Variants in ZNF692 observed in about 807,000 individuals in gnomAD.
The protein encoded by ZNF692 is zinc finger protein 692.
A neutral mutation model predicts 49.0 loss-of-function variants in ZNF692; 41 were observed. The observed-to-expected ratio is 0.84, with a 90% CI of 0.65 to 1.08. The LOEUF is 1.08. Ranked by LOEUF, ZNF692 falls within the 50% of genes least tolerant of loss-of-function variation. ZNF692 has a pLI of 0.00. For synonymous variants in ZNF692, 288 were observed against 251.5 expected (o/e 1.15, Z -1.37); for missense variants, 662 against 662.2 (o/e 1.00, Z 0.00).
chr1:248,850,731 T>G lies in ZNF692; in HGVS notation c.1204A>C (p.Ser402Arg). 1 of 1,614,148 alleles carries G rather than the reference T, an allele frequency of 6.2e-7. No homozygotes were observed. The highest frequency in any genetic ancestry group is 8.5e-7 in the Non-Finnish European group (1 of 1,180,002). ...EFCARSFRTS[S>R]NLVIHRRIHT... ...ATACGTCTGTGGATGACAAGGTTGC[T>G]GCTAGTGCGGAAAGACCGGGCGCAG... Residue 402 changes from serine (S) to arginine (R), a missense_variant, in exon 11 of 12, where the codon AGC (serine) becomes CGC (arginine). Physicochemically the swap from Ser to Arg is moderately radical, Grantham distance 110. Transcript: ENST00000306601.
rs755058464 is a variant in ZNF692 at position 248,857,294 on chromosome 1, G to T, written c.415C>A (p.Leu139Ile). The T allele has an allele frequency of 8.7e-6, 14 of 1,614,042 alleles. No individual in the cohort carries two copies. In the Admixed American group the frequency reaches 1.3e-4, roughly 15 times the overall value. ...TPSEAPKPAS[L>I]PHTTRRSWCS... ...CAACTTCTCCGAGTAGTATGTGGAA[G>T]GGAGGCTGGCTTGGGTGCCTCTGAA... The change falls in exon 4 of 12, where the codon CTT (leucine) becomes ATT (isoleucine). Residue 139 changes from leucine to isoleucine, a missense_variant. Coordinates refer to ENST00000306601, the MANE Select transcript of ZNF692 (RefSeq NM_017865.4).
At chr1:248,856,633 G>C in intron 4 of ZNF692, 71 bp from the exon 5 acceptor site, 1 of 1,583,778 alleles carries the variant, frequency 6.3e-7, no homozygotes, top group Non-Finnish European at 8.7e-7. Flanking sequence ...AAGTTCTAAG[G>C]TCTGAAGTGA....
chr1:248,855,389 C>T lies in ZNF692; in HGVS notation c.1029G>A (p.Gln343=). Residue 343 remains glutamine (Q), a synonymous_variant, in exon 9 of 12, where the codon CAG becomes CAA. Transcript: ENST00000306601. ...PGCGRIFSNR[Q]YLNHHKKYQH... is the part of the protein sequence containing the mutation. ...AACCTGTGCCCCTCACATTCAAATA[C>T]TGCCGGTTGGAGAAGATCCTTCCAC... 4 of 1,614,178 alleles carry T rather than the reference C, an allele frequency of 2.5e-6. No homozygotes were observed. The highest frequency in any genetic ancestry group is 3.4e-6 in the Non-Finnish European group (4 of 1,180,040).
rs778362635 is a variant in ZNF692, at chr1:248,855,843, C to G, written c.763G>C (p.Val255Leu). Residue 255 changes from valine (V) to leucine (L), a missense_variant, in exon 7 of 12, where the codon GTG (valine) becomes CTG (leucine). Coordinates refer to ENST00000306601, the MANE Select transcript of ZNF692 (RefSeq NM_017865.4). Reference sequence around the variant, plus strand: ...AATGAGGATGCTGACAAGGCCGGCACAGCAAGAGGACTGGAGAGTGCTGCA... The same window carrying G: ...AATGAGGATGCTGACAAGGCCGGCAGAGCAAGAGGACTGGAGAGTGCTGCA... ...APAALSSPLA[V>L]PALSASSLSS... 1 of 1,614,212 alleles carries G rather than the reference C, an allele frequency of 6.2e-7. No homozygotes were observed. Among genetic ancestry groups the G allele is most frequent in the South Asian group, 1.1e-5 (1 of 91,086 alleles).
chr1:248,857,973 G>A, intron 2 of ZNF692, 114 bp from the exon 3 acceptor site: 5 of 1,556,918 alleles, frequency 3.2e-6, no homozygotes, highest in Non-Finnish European at 4.3e-6. Flanking sequence ...GAGACCATGA[G>A]GAGGGGAGCA....
chr1:248,850,361 C>A lies in ZNF692; in HGVS notation c.1409G>T (p.Ser470Ile). The A allele has an allele frequency of 6.2e-7, 1 of 1,614,108 alleles. No homozygotes were observed. The highest frequency in any genetic ancestry group is 8.5e-7 in the Non-Finnish European group (1 of 1,180,018). ...AGGGGCTAGAAGCAGGGCTGGGTGA[C>A]TTTTGCTACGGTGGGCTGCAACACT... ...PDSVAAHRSK[S>I]HPALLLAPQE... The change falls in exon 12 of 12, where the codon AGT (serine) becomes ATT (isoleucine). Residue 470 changes from serine to isoleucine, a missense_variant. Ser to Ile is a moderately radical substitution (Grantham distance 142). Coordinates refer to ENST00000306601, the MANE Select transcript of ZNF692 (RefSeq NM_017865.4).
chr1:248,852,256 C>G (rs184263347), intron 10 of ZNF692, among the ~76,000 whole-genome samples: 136 of 152,328 alleles, frequency 8.9e-4, no homozygotes, highest in Non-Finnish European at 8.7e-4. Flanking sequence ...TCCAACACCC[C>G]CAGCCTACTA....
rs759517802 is a variant in ZNF692 at position 248,855,821 on chromosome 1, G to A, written c.785C>T (p.Ser262Leu). The A allele has an allele frequency of 6.2e-7, 1 of 1,614,236 alleles. No individual in the cohort carries two copies. The highest frequency in any genetic ancestry group is 1.1e-5 in the South Asian group (1 of 91,082). Reference sequence around the variant, plus strand: ...AGGTGGAGGAGCTCTGGAACTCAATGAGGATGCTGACAAGGCCGGCACAGC... The same window carrying A: ...AGGTGGAGGAGCTCTGGAACTCAATAAGGATGCTGACAAGGCCGGCACAGC... Reference protein sequence around the residue: ...PLAVPALSASSLSSRAPPPAE... With the variant: ...PLAVPALSASLLSSRAPPPAE... The change falls in exon 7 of 12, where the codon TCA becomes TTA. Residue 262 changes from serine to leucine, a missense_variant. Physicochemically the swap from Ser to Leu is moderately radical, Grantham distance 145. Transcript: ENST00000306601.
chr1:248,858,546 A>T lies in ZNF692; in HGVS notation c.-12-225T>A, dbSNP rs772917710. 33 of 1,551,628 alleles carry T rather than the reference A, an allele frequency of 2.1e-5. No homozygotes were observed. Among genetic ancestry groups the T allele is most frequent in the African/African-American group, 4.1e-5 (3 of 73,056 alleles). On this transcript the variant is annotated intron_variant, in intron 1 of 11. Coordinates refer to ENST00000306601, the MANE Select transcript of ZNF692 (RefSeq NM_017865.4). The surrounding 1 kb of genome is among the most constrained non-coding windows in gnomAD (Gnocchi z 4.3). ...GTCGTCGGGTGGGAGGCAGGCAGAC[A>T]GAAGCAGTCAGAACAAAGGCCTGCG...
intron 10 of ZNF692, chr1:248,851,051 C>A (rs908825997): frequency 7.5e-5 from 46 of 609,366 alleles, no homozygotes; most frequent in Non-Finnish European, 1.5e-5. Flanking sequence ...CAATGAACTC[C>A]TGATGGAAGT....
At chr1:248,852,224 C>T (rs1046691602) in intron 10 of ZNF692, among the ~76,000 whole-genome samples, 15 of 152,302 alleles carry the variant, frequency 9.8e-5, no homozygotes, top group Middle Eastern at 3.4e-3. Context: ...ACATTTCACA[C>T]CACCTCCTTT....
rs1347033970 is a variant in ZNF692, at chr1:248,858,062, G to C, written c.179+69C>G. The C allele has an allele frequency of 3.2e-6, 5 of 1,551,040 alleles. No individual in the cohort carries two copies. The highest frequency in any genetic ancestry group is 4.3e-6 in the Non-Finnish European group (5 of 1,153,326). ...GAGGGTGGAAAAGAGCAGCAGGACA[G>C]GCCCTGGAGAGGAGGCTAGGGGCTG... On this transcript the variant is annotated intron_variant, in intron 2 of 11. Coordinates refer to ENST00000306601, the MANE Select transcript of ZNF692 (RefSeq NM_017865.4). The surrounding 1 kb of genome is among the most constrained non-coding windows in gnomAD (Gnocchi z 4.3).
intron 3 of ZNF692, 128 bp downstream of exon 3, chr1:248,857,700 C>A: frequency 6.7e-7 from 1 of 1,496,652 alleles, no homozygotes; most frequent in Non-Finnish European, 8.9e-7. Flanking sequence ...ATCAAACTAC[C>A]CTGTGCTCCC....
chr1:248,853,903 G>A, intron 10 of ZNF692, 34 bp downstream of exon 10: 1 of 1,552,812 alleles, frequency 6.4e-7, no homozygotes, highest in South Asian at 1.1e-5. Flanking sequence ...AAGGTAAAAG[G>A]TCCCACAGAG....
rs554076120 is a variant in ZNF692, at chr1:248,859,064, T to A, written c.-159A>T. On this transcript the variant is annotated 5_prime_UTR_variant, in exon 1 of 12. Transcript: ENST00000306601. The stretch of plus-strand genomic sequence containing the variant: ...TAAGAAGAAACGGTGCCTCTCGGCG[T>A]CGGCTGCTGTAGCCCGGAACTGAGG... 1 of 153,538 alleles carries A rather than the reference T, an allele frequency of 6.5e-6. No individual in the cohort carries two copies. Among genetic ancestry groups the A allele is most frequent in the Non-Finnish European group, 1.5e-5 (1 of 68,576 alleles). The allele number at this position is 153,538 out of a possible 1,614,324, so 9.5% of individuals were successfully genotyped here.
At position 248,856,666 on chromosome 1, in the gene ZNF692, T is replaced by C. The variant is rs180723128; in HGVS notation, c.476-104A>G. ...TGATGGGAGACTCCTCTTTTTTTTT[T>C]AAATAGAGACGGGGTCTCACTATGT... On this transcript the variant is annotated intron_variant, in intron 4 of 11. Coordinates refer to ENST00000306601, the MANE Select transcript of ZNF692 (RefSeq NM_017865.4). 229 of 1,388,838 alleles carry C rather than the reference T, an allele frequency of 1.6e-4. No individual in the cohort carries two copies. The African/African-American group carries it at 3.1e-3, about 19-fold the overall frequency. 86.0% of individuals were successfully genotyped at this position (1,388,838 alleles called of 1,614,324 possible). A position where few individuals can be genotyped will look rare whatever the true frequency, so the allele number is the denominator to read the frequency against.
chr1:248,855,081 A>G (rs1026973078), intron 9 of ZNF692, among the ~76,000 whole-genome samples: 2 of 152,186 alleles, frequency 1.3e-5, no homozygotes, highest in Admixed American at 6.5e-5. Flanking sequence ...TCAAGCCAGG[A>G]TATGTGGCAG....
At chr1:248,850,914 T>C in intron 10 of ZNF692, 133 bp from the exon 11 acceptor site, 2 of 821,878 alleles carry the variant, frequency 2.4e-6, no homozygotes, top group South Asian at 2.9e-5. Context: ...TTAGTTGTTA[T>C]CCAAATCATG....
chr1:248,856,251 C>G (rs202135201), intron 6 of ZNF692, 37 bp downstream of exon 6: 3 of 1,551,426 alleles, frequency 1.9e-6, no homozygotes, highest in East Asian at 2.2e-5. Context: ...CTGCCTCCCT[C>G]TCTTGCTCTG....
Sources: gnomAD v4.1 joint callset for allele counts (sites outside exome capture counted in the v4.1 genomes callset) on GRCh38, gnomAD v4.1.1 for gene constraint, Gnocchi (gnomAD v3.1) non-coding constraint, MANE v1.5 for transcripts, NCBI Gene and HGNC (gene_info 2026-07-23, HGNC 2026-07-21) for gene names.